CDH3: variants seen among roughly 807,000 people sequenced by gnomAD.
The protein encoded by CDH3 is cadherin-3.
In CDH3, 54 loss-of-function variants were observed where a neutral mutation model predicts 82.0. The observed-to-expected ratio is 0.66, with a 90% CI of 0.53 to 0.83. CDH3 has a LOEUF of 0.83. Ranked by LOEUF, CDH3 falls within the 40% of genes least tolerant of loss-of-function variation. The probability of loss-of-function intolerance (pLI) is 0.00; values close to 1 mark genes in which losing one functional copy is unlikely to be tolerated. For missense variants in CDH3, 1,054 were observed against 1,084.6 expected, an observed-to-expected ratio of 0.97 and a Z score of 0.40; for synonymous variants, 446 against 437.9, an observed-to-expected ratio of 1.02 and a Z score of -0.23.
chr16:68,726,693 C>G (rs531023495), intron 2 of CDH3, among the ~76,000 whole-genome samples: 1 of 151,914 alleles, frequency 6.6e-6, no homozygotes, highest in South Asian at 2.1e-4. Flanking sequence ...ATTCTCCTGC[C>G]TCAGCCTCCT....
At chr16:68,703,148 C>T (rs1961917348), downstream of CDH3, among the ~76,000 whole-genome samples, 1 of 152,178 alleles carries the variant, frequency 6.6e-6, no homozygotes, top group South Asian at 2.1e-4. Context: ...TTTTTCTTCC[C>T]AAAGGGACTA....
intron 2 of CDH3, among the ~76,000 whole-genome samples, chr16:68,657,383 G>C (rs946595612): frequency 6.6e-6 from 1 of 152,104 alleles, no homozygotes; most frequent in African/African-American, 2.4e-5. Flanking sequence ...GCATGGTGGC[G>C]TGTGCCTGTA....
intron 7 of CDH3, 97 bp downstream of exon 7, chr16:68,680,071 A>AGATCG: frequency 2.4e-6 from 3 of 1,225,434 alleles, no homozygotes; most frequent in Middle Eastern, 2.5e-4. Flanking sequence ...CACAAAGCCC[A>AGATCG]AGGCAGAACA....
intron 1 of CDH3, among the ~76,000 whole-genome samples, chr16:68,711,938 A>C (rs7186693): frequency 6.6e-6 from 1 of 151,778 alleles, no homozygotes; most frequent in East Asian, 1.9e-4. Context: ...CCTAAGATGG[A>C]AGTTTTGAGA....
intron 12 of CDH3, among the ~76,000 whole-genome samples, chr16:68,688,337 C>T (rs141159980): frequency 0.01 from 1,523 of 152,100 alleles, 12 homozygotes; most frequent in Middle Eastern, 0.055. Flanking sequence ...CACCTGTAAT[C>T]CCAGCACTTT....
intron 2 of CDH3, among the ~76,000 whole-genome samples, chr16:68,648,567 A>G (rs1960147465): frequency 6.6e-6 from 1 of 151,622 alleles, no homozygotes; most frequent in African/African-American, 2.4e-5. Context: ...TCCTCCTATC[A>G]CAGCCTCCCA....
chr16:68,648,160 T>G (rs915570758), intron 2 of CDH3, among the ~76,000 whole-genome samples: 6 of 151,990 alleles, frequency 3.9e-5, no homozygotes, highest in African/African-American at 1.5e-4. Flanking sequence ...TTGCCTGAGG[T>G]TTTGAAGGTG....
rs1491132683 is a variant in CDH3, at chr16:68,705,426, TGG to T, written c.99+9504_99+9505del. ...TGAGCACCTGTTCTGTGCAAGACAC[TGG>T]TTTTTTTTTGGAGATACAGTCTCGC... On this transcript the variant is annotated intron_variant, in intron 1 of 2. Coordinates refer to the CDH3 transcript ENST00000569080. Among the ~76,000 whole-genome samples the T allele has an allele frequency of 7.3e-5, 11 of 151,038 alleles. 1 individual carries two copies. The highest frequency in any genetic ancestry group is 2.4e-4 in the African/African-American group (10 of 40,966).
chr16:68,702,702 T>TA (rs2152108941), downstream of CDH3, among the ~76,000 whole-genome samples: 1 of 152,058 alleles, frequency 6.6e-6, no homozygotes, highest in Non-Finnish European at 1.5e-5. Context: ...CCGTCTCTAC[T>TA]AAAAATATAA....
At chr16:68,665,408 T>C (rs1255137873) in intron 2 of CDH3, among the ~76,000 whole-genome samples, 1 of 151,980 alleles carries the variant, frequency 6.6e-6, no homozygotes, top group African/African-American at 2.4e-5. Flanking sequence ...TCTCAAAAAA[T>C]AATAAATAAA....
At chr16:68,652,662 C>A (rs984386263) in intron 2 of CDH3, among the ~76,000 whole-genome samples, 6 of 152,172 alleles carry the variant, frequency 3.9e-5, no homozygotes, top group Non-Finnish European at 7.3e-5. Context: ...CCCTGTGTTT[C>A]TGGCGCACAG....
At chr16:68,725,615 G>A (rs1449931605) in intron 2 of CDH3, among the ~76,000 whole-genome samples, 1 of 152,052 alleles carries the variant, frequency 6.6e-6, no homozygotes, top group Non-Finnish European at 1.5e-5. Context: ...TTACAGGCGT[G>A]AGCCACCGCG....
At chr16:68,711,846 G>A (rs945489029) in intron 1 of CDH3, among the ~76,000 whole-genome samples, 3 of 151,934 alleles carry the variant, frequency 2.0e-5, no homozygotes, top group East Asian at 1.9e-4. Context: ...CAGTGGAGTG[G>A]GAGGATAAGA....
downstream of CDH3, among the ~76,000 whole-genome samples, chr16:68,702,860 A>C (rs1425738302): frequency 6.6e-6 from 1 of 151,834 alleles, no homozygotes; most frequent in East Asian, 1.9e-4. Context: ...GCATGACTCC[A>C]TCTCAAAAAA....
Position 68,718,002 on chromosome 16 carries a change from C to G in CDH3, c.100-4423C>G, listed in dbSNP as rs558186971. On this transcript the variant is annotated intron_variant, in intron 1 of 2. Coordinates refer to the CDH3 transcript ENST00000569080. ...TTCTTTTCTTTTTTTCTTTTTGAGA[C>G]AGAGTCTCATTCTGTTGCCCAGGCT... is the stretch of plus-strand genomic sequence containing the variant. 3.9e-5 allele frequency among the ~76,000 whole-genome samples: 6 copies of G among 151,996 alleles called. No homozygotes were observed. In the South Asian group the frequency reaches 1.0e-3, roughly 26 times the overall value.
intron 2 of CDH3, among the ~76,000 whole-genome samples, chr16:68,654,632 G>T (rs969026772): frequency 1.4e-5 from 2 of 145,856 alleles, no homozygotes; most frequent in African/African-American, 5.0e-5. Context: ...AAATCTGAGA[G>T]GTGGAGGTTG....
chr16:68,646,126 C>T (rs1960053887), intron 2 of CDH3: 1 of 272,418 alleles, frequency 3.7e-6, no homozygotes, highest in Non-Finnish European at 7.1e-6. Context: ...GAGCCGTGCC[C>T]CGGGCAGCCC....
intron 1 of CDH3, among the ~76,000 whole-genome samples, chr16:68,711,261 G>C (rs1302887944): frequency 6.6e-6 from 1 of 150,560 alleles, no homozygotes; most frequent in East Asian, 2.0e-4. Flanking sequence ...CGTGAGCTGG[G>C]TTGCGGCATT....
chr16:68,650,492 G>A lies in CDH3; in HGVS notation c.160+4742G>A, dbSNP rs542441079. Among the ~76,000 whole-genome samples, 5 of 152,184 alleles carry A rather than the reference G, an allele frequency of 3.3e-5. No homozygotes were observed. The South Asian group carries it at 1.0e-3, about 32-fold the overall frequency. On this transcript the variant is annotated intron_variant, in intron 2 of 15. Transcript: ENST00000264012. ...AATTTTGTATTTTTAGTAGAGACGG[G>A]GTTTTATCATGTTGGTCAGGCTGGT... is the stretch of plus-strand genomic sequence containing the variant.
Sources: allele counts gnomAD v4.1 joint callset (sites outside exome capture counted in the v4.1 genomes callset), GRCh38; gene constraint gnomAD v4.1.1; transcripts MANE v1.5; gene names NCBI Gene and HGNC (gene_info 2026-07-23, HGNC 2026-07-21).